Variants in CDH13 observed in about 807,000 individuals in gnomAD.
The protein encoded by CDH13 is cadherin 13.
CDH13 carries 24 observed loss-of-function variants against 63.8 expected under a neutral mutation model. That is an observed-to-expected ratio of 0.38 (90% CI 0.27 to 0.53). The LOEUF (loss-of-function observed/expected upper bound fraction) is 0.53. CDH13 is among the 20% of genes least tolerant of loss of function. The pLI, the probability that CDH13 is intolerant of heterozygous loss-of-function variation, is 0.85. For synonymous variants in CDH13, 503 were observed against 355.3 expected (o/e 1.42, Z -4.67); for missense variants, 1,049 against 903.1 (o/e 1.16, Z -2.07).
intron 2 of CDH13, chr16:83,022,976 A>C (rs1010885955): frequency 2.6e-5 from 4 of 152,212 alleles, no homozygotes; most frequent in Non-Finnish European, 5.9e-5. Context: ...TTCTGGGATC[A>C]TAACAGAGCT....
At chr16:83,138,011 G>T (rs930199891) in intron 4 of CDH13, among the ~76,000 whole-genome samples, 1 of 152,070 alleles carries the variant, frequency 6.6e-6, no homozygotes, top group Non-Finnish European at 1.5e-5. Context: ...AGTCCCTCCT[G>T]GGTATCTGCG....
chr16:83,266,468 A>T (rs1907634729), intron 5 of CDH13, among the ~76,000 whole-genome samples: 4 of 152,186 alleles, frequency 2.6e-5, no homozygotes, highest in Admixed American at 6.5e-5. Flanking sequence ...ACTTATTTTA[A>T]TTATAACATC....
intron 5 of CDH13, among the ~76,000 whole-genome samples, chr16:83,274,106 G>A (rs1296892667): frequency 6.6e-6 from 1 of 152,124 alleles, no homozygotes; most frequent in African/African-American, 2.4e-5. Flanking sequence ...CTTCCCCCAG[G>A]CCAGGCCGTC....
At chr16:83,087,636 C>A (rs529950781) in intron 3 of CDH13, among the ~76,000 whole-genome samples, 1 of 140,602 alleles carries the variant, frequency 7.1e-6, no homozygotes, top group Non-Finnish European at 1.5e-5. Flanking sequence ...TCATTGCACT[C>A]CAGCCCGGGC....
At chr16:82,875,598 AC>A (rs928383656) in intron 2 of CDH13, among the ~76,000 whole-genome samples, 4 of 152,196 alleles carry the variant, frequency 2.6e-5, no homozygotes, top group African/African-American at 9.6e-5. Flanking sequence ...ACAGTAACAT[AC>A]TTTTGTTAAA....
At chr16:83,482,646 C>A (rs912821960) in intron 6 of CDH13, among the ~76,000 whole-genome samples, 1 of 152,206 alleles carries the variant, frequency 6.6e-6, no homozygotes, top group Non-Finnish European at 1.5e-5. Context: ...CTGGCAAGAG[C>A]CAAGCATTGC....
intron 1 of CDH13, among the ~76,000 whole-genome samples, chr16:82,787,434 C>G (rs1336524272): frequency 6.6e-6 from 1 of 152,146 alleles, no homozygotes; most frequent in Non-Finnish European, 1.5e-5. Context: ...TCACAGAAGG[C>G]AGATGTCGGT....
intron 1 of CDH13, among the ~76,000 whole-genome samples, chr16:82,656,086 G>C (rs959468884): frequency 5.9e-5 from 9 of 152,204 alleles, no homozygotes; most frequent in African/African-American, 2.2e-4. Flanking sequence ...TGGAAGTACA[G>C]AGAAAGAGCA....
intron 11 of CDH13, among the ~76,000 whole-genome samples, chr16:83,769,432 T>C (rs1049816985): frequency 3.9e-5 from 6 of 152,172 alleles, no homozygotes; most frequent in African/African-American, 1.4e-4. Context: ...GATCCAGGCC[T>C]GGTACAAGAA....
intron 6 of CDH13, among the ~76,000 whole-genome samples, chr16:83,429,103 C>A (rs1354493377): frequency 1.3e-5 from 2 of 152,180 alleles, no homozygotes; most frequent in Non-Finnish European, 2.9e-5. Flanking sequence ...AATTCATGTG[C>A]ATTTGGCAGT....
At chr16:82,939,859 G>A (rs746911452) in intron 2 of CDH13, among the ~76,000 whole-genome samples, 24 of 151,900 alleles carry the variant, frequency 1.6e-4, no homozygotes, top group Non-Finnish European at 1.6e-4. Flanking sequence ...AGGTATATTC[G>A]CACGTTTTCA....
intron 2 of CDH13, among the ~76,000 whole-genome samples, chr16:82,866,907 C>T (rs956843361): frequency 2.6e-5 from 4 of 152,214 alleles, no homozygotes; most frequent in Non-Finnish European, 5.9e-5. Context: ...CCCGATCTCT[C>T]CCTTGACATG....
chr16:82,978,397 T>C (rs1294131735), intron 2 of CDH13, among the ~76,000 whole-genome samples: 1 of 152,212 alleles, frequency 6.6e-6, no homozygotes, highest in African/African-American at 2.4e-5. Context: ...CTCCAGGGCA[T>C]GTCAGGGGTC....
chr16:83,234,719 T>C (rs764115125), intron 5 of CDH13, among the ~76,000 whole-genome samples: 10 of 152,210 alleles, frequency 6.6e-5, no homozygotes, highest in Admixed American at 3.9e-4. Context: ...CCCCAGCCCC[T>C]CTGGAGCTTA....
chr16:82,793,651 C>G (rs185970001), intron 1 of CDH13, among the ~76,000 whole-genome samples: 1 of 152,142 alleles, frequency 6.6e-6, no homozygotes. Context: ...ACAGAGCAAA[C>G]CCTGGTATCA....
At chr16:83,667,812 C>T (rs1914134763) in intron 8 of CDH13, among the ~76,000 whole-genome samples, 1 of 151,920 alleles carries the variant, frequency 6.6e-6, no homozygotes, top group Admixed American at 6.6e-5. Flanking sequence ...CACGTGCCAC[C>T]ACACCTGGCT....
intron 1 of CDH13, among the ~76,000 whole-genome samples, chr16:82,772,450 G>T (rs1331591491): frequency 1.3e-5 from 2 of 152,182 alleles, no homozygotes; most frequent in Non-Finnish European, 2.9e-5. Flanking sequence ...GCTAGGCAGA[G>T]GTGTGTGAGA....
At chr16:83,282,938 T>C (rs922050597) in intron 5 of CDH13, among the ~76,000 whole-genome samples, 8 of 152,226 alleles carry the variant, frequency 5.3e-5, no homozygotes, top group Non-Finnish European at 8.8e-5. Flanking sequence ...AATGAGATAA[T>C]TTGTATAATG....
chr16:83,150,140 C>A (rs2036912935), intron 4 of CDH13, among the ~76,000 whole-genome samples: 3 of 150,860 alleles, frequency 2.0e-5, no homozygotes, highest in Non-Finnish European at 4.4e-5. Context: ...CCACCAACTT[C>A]TCTTGCTGGA....
Sources: gnomAD v4.1 joint callset for allele counts (sites outside exome capture counted in the v4.1 genomes callset) on GRCh38, gnomAD v4.1.1 for gene constraint, MANE v1.5 for transcripts, NCBI Gene and HGNC (gene_info 2026-07-23, HGNC 2026-07-21) for gene names.